TNIK: variants seen among roughly 807,000 people sequenced by gnomAD.
The protein encoded by TNIK is TRAF2 and NCK-interacting protein kinase.
In TNIK, 49 loss-of-function variants were observed where a neutral mutation model predicts 191.3. That is an observed-to-expected ratio of 0.26 (90% CI 0.20 to 0.32). TNIK has a LOEUF of 0.32. TNIK is among the 10% of genes least tolerant of loss of function. The probability of loss-of-function intolerance (pLI) is 1.00; values close to 1 mark genes in which losing one functional copy is unlikely to be tolerated. For missense variants in TNIK, 1,155 were observed against 1,702.3 expected (o/e 0.68, Z 5.66); for synonymous variants, 594 against 600.9 (o/e 0.99, Z 0.17).
chr3:171,119,763 CAGTA>C (rs1727364964), intron 18 of TNIK, among the ~76,000 whole-genome samples: 1 of 140,046 alleles, frequency 7.1e-6, no homozygotes, highest in Non-Finnish European at 1.5e-5. Context: ...CACATGGACA[CAGTA>C]AGGGGAACAT....
chr3:171,238,053 T>C (rs540016143), intron 2 of TNIK, among the ~76,000 whole-genome samples: 2 of 152,210 alleles, frequency 1.3e-5, no homozygotes, highest in African/African-American at 2.4e-5. Context: ...AAAATATCTC[T>C]CCCCCTCCAA....
At chr3:171,316,634 C>A (rs1409721309) in intron 2 of TNIK, among the ~76,000 whole-genome samples, 1 of 151,962 alleles carries the variant, frequency 6.6e-6, no homozygotes, top group Non-Finnish European at 1.5e-5. Context: ...CTCACAGAGG[C>A]CTATAAACTA....
chr3:171,364,580 A>G (rs1715433933), intron 2 of TNIK, among the ~76,000 whole-genome samples: 3 of 152,228 alleles, frequency 2.0e-5, no homozygotes, highest in Non-Finnish European at 4.4e-5. Flanking sequence ...TGGCCTAGAC[A>G]GACTAGGTCT....
chr3:171,107,209 GA>G lies in TNIK; in HGVS notation c.2383-4del. On this transcript the variant is annotated splice_polypyrimidine_tract_variant and splice_region_variant and intron_variant, in intron 20 of 32. Transcript: ENST00000436636. ...TCATCTATAGCTTTTTTGTAGCTCT[GA>G]AATGAGAGGAACCCAATCCAGAAGA... 2 of 1,611,392 alleles carry G rather than the reference GA, an allele frequency of 1.2e-6. No individual in the cohort carries two copies. Among genetic ancestry groups the G allele is most frequent in the Middle Eastern group, 1.7e-4 (1 of 6,058 alleles).
At chr3:171,298,780 T>C (rs1274574983) in intron 2 of TNIK, among the ~76,000 whole-genome samples, 1 of 152,248 alleles carries the variant, frequency 6.6e-6, no homozygotes, top group Non-Finnish European at 1.5e-5. Context: ...TATCTGTTCC[T>C]GCAGCACATC....
chr3:171,075,057 T>C (rs1008785556), intron 28 of TNIK, among the ~76,000 whole-genome samples: 2 of 152,222 alleles, frequency 1.3e-5, no homozygotes, highest in Non-Finnish European at 2.9e-5. Context: ...CAAATAGGAT[T>C]CCTGTAGCCT....
intron 3 of TNIK, chr3:171,225,732 G>T: frequency 2.4e-6 from 1 of 412,074 alleles, no homozygotes; most frequent in Non-Finnish European, 4.8e-6. Context: ...AGTAGTTTCT[G>T]GTTCTACTTG....
At chr3:171,282,945 C>T (rs752326175) in intron 2 of TNIK, among the ~76,000 whole-genome samples, 8 of 152,124 alleles carry the variant, frequency 5.3e-5, no homozygotes, top group Non-Finnish European at 1.0e-4. Context: ...AGGAGGGCTC[C>T]TTACAGCCTG....
At position 171,110,795 on chromosome 3, in the gene TNIK, TGCTGGA is replaced by T; in HGVS notation, c.2197_2202del (p.Ser733_Ser734del). 1 of 1,603,764 alleles carries T rather than the reference TGCTGGA, an allele frequency of 6.2e-7. No individual in the cohort carries two copies. Among genetic ancestry groups the T allele is most frequent in the Non-Finnish European group, 8.5e-7 (1 of 1,175,554 alleles). On this transcript the variant is annotated inframe_deletion, in exon 19 of 33. Transcript: ENST00000436636. ...TGGGAGCTGGGCTGGGAGCTAGGGG[TGCTGGA>T]GCTGGAGGAACTGCCACTGCTGGTC...
At chr3:171,097,662 C>T (rs1722907685) in intron 22 of TNIK, among the ~76,000 whole-genome samples, 1 of 152,236 alleles carries the variant, frequency 6.6e-6, no homozygotes, top group South Asian at 2.1e-4. Flanking sequence ...TCCTCATTCA[C>T]CTTCCACCAT....
intron 2 of TNIK, among the ~76,000 whole-genome samples, chr3:171,307,996 C>T (rs1753635453): frequency 6.6e-6 from 1 of 152,070 alleles, no homozygotes; most frequent in Non-Finnish European, 1.5e-5. Context: ...ATTGGCCATC[C>T]TATCCCAAGC....
chr3:171,358,360 GA>G (rs1452288063), intron 2 of TNIK, among the ~76,000 whole-genome samples: 1 of 152,130 alleles, frequency 6.6e-6, no homozygotes, highest in African/African-American at 2.4e-5. Context: ...AATGAGGAGC[GA>G]AGTCACATCT....
chr3:171,160,180 G>A (rs1733791964), intron 11 of TNIK, among the ~76,000 whole-genome samples: 2 of 152,216 alleles, frequency 1.3e-5, no homozygotes, highest in Admixed American at 1.3e-4. Flanking sequence ...GTATCAGATG[G>A]TAGGAAAGAA....
chr3:171,286,235 G>A (rs563163376), intron 2 of TNIK, among the ~76,000 whole-genome samples: 1 of 152,120 alleles, frequency 6.6e-6, no homozygotes, highest in Admixed American at 6.5e-5. Flanking sequence ...ATCCACCACT[G>A]TAACAGATAT....
chr3:171,135,595 T>C (rs1441600433), intron 15 of TNIK, among the ~76,000 whole-genome samples: 1 of 152,152 alleles, frequency 6.6e-6, no homozygotes, highest in Non-Finnish European at 1.5e-5. Flanking sequence ...AGCAGAGGAC[T>C]AAATATGAAA....
intron 2 of TNIK, among the ~76,000 whole-genome samples, chr3:171,298,288 C>A (rs906015818): frequency 2.6e-5 from 4 of 152,180 alleles, no homozygotes; most frequent in Non-Finnish European, 5.9e-5. Flanking sequence ...AGGGCAATTA[C>A]AGTGAAAGCA....
chr3:171,060,273 G>A lies in TNIK; in HGVS notation c.*3608C>T, dbSNP rs1717705155. On this transcript the variant is annotated 3_prime_UTR_variant, in exon 33 of 33. Transcript: ENST00000436636. ...AGTGGATAAAACCAAAATGGTTCTGGCTGGAATTTCACATCTTTCTAATAA... is the reference window on the plus strand; with the variant it reads ...AGTGGATAAAACCAAAATGGTTCTGACTGGAATTTCACATCTTTCTAATAA... Among the ~76,000 whole-genome samples, 1 of 152,148 alleles carries A rather than the reference G, an allele frequency of 6.6e-6. No homozygotes were observed. The highest frequency in any genetic ancestry group is 2.4e-5 in the African/African-American group (1 of 41,440).
intron 17 of TNIK, 151 bp downstream of exon 17, chr3:171,125,761 G>T: frequency 8.4e-7 from 1 of 1,195,672 alleles, no homozygotes; most frequent in Non-Finnish European, 1.2e-6. Context: ...CCAAGTCTTA[G>T]CCAGGGAATG....
chr3:171,454,864 A>G (rs1728610444), intron 1 of TNIK, among the ~76,000 whole-genome samples: 1 of 152,234 alleles, frequency 6.6e-6, no homozygotes, highest in Non-Finnish European at 1.5e-5. Flanking sequence ...CCATTAGTGT[A>G]TCATTTTATG....
Sources: gnomAD v4.1 joint callset for allele counts (sites outside exome capture counted in the v4.1 genomes callset) on GRCh38, gnomAD v4.1.1 for gene constraint, MANE v1.5 for transcripts, NCBI Gene and HGNC (gene_info 2026-07-23, HGNC 2026-07-21) for gene names.